Variants in DNAJC1 observed in about 807,000 individuals in gnomAD.
The protein encoded by DNAJC1 is DnaJ heat shock protein family (Hsp40) member C1.
A neutral mutation model predicts 76.6 loss-of-function variants in DNAJC1; 58 were observed. The ratio of observed to expected loss-of-function variants is 0.76; its 90% CI spans 0.61 to 0.94. DNAJC1 has a LOEUF of 0.94. Ranked by LOEUF, DNAJC1 falls within the 40% of genes least tolerant of loss-of-function variation. The pLI, the probability that DNAJC1 is intolerant of heterozygous loss-of-function variation, is 0.00. For missense variants in DNAJC1, 689 were observed against 677.3 expected (o/e 1.02, Z -0.19); for synonymous variants, 258 against 267.9 (o/e 0.96, Z 0.36).
chr10:21,955,570 A>T (rs1837665461), intron 1 of DNAJC1, among the ~76,000 whole-genome samples: 1 of 152,068 alleles, frequency 6.6e-6, no homozygotes, highest in African/African-American at 2.4e-5. Context: ...ATTTATAAAC[A>T]TGATGTTTTG....
intron 8 of DNAJC1, among the ~76,000 whole-genome samples, chr10:21,832,544 C>A (rs1436189492): frequency 6.6e-6 from 1 of 152,176 alleles, no homozygotes; most frequent in Non-Finnish European, 1.5e-5. Context: ...ACTGTCTCTT[C>A]CAATCACCAA....
chr10:21,969,336 G>A (rs1265736117), intron 1 of DNAJC1, among the ~76,000 whole-genome samples: 1 of 151,670 alleles, frequency 6.6e-6, no homozygotes, highest in African/African-American at 2.4e-5. Context: ...GGGGATATCA[G>A]ACATATTTAG....
chr10:21,887,478 C>A lies in DNAJC1; in HGVS notation c.821-5039G>T, dbSNP rs149074095. ...AAACTGGAGGCATCACACTACCTTA[C>A]TTCAAACAATACTACAGGGCTACAT... On this transcript the variant is annotated intron_variant, in intron 7 of 11. Coordinates refer to ENST00000376980, the MANE Select transcript of DNAJC1 (RefSeq NM_022365.4). Among the ~76,000 whole-genome samples, 498 of 152,274 alleles carry A rather than the reference C, an allele frequency of 3.3e-3. 1 individual carries two copies. The highest frequency in any genetic ancestry group is 0.012 in the African/African-American group (483 of 41,558).
chr10:21,765,528 A>T (rs1309387997), intron 10 of DNAJC1, among the ~76,000 whole-genome samples: 1 of 152,162 alleles, frequency 6.6e-6, no homozygotes, highest in African/African-American at 2.4e-5. Context: ...AATTCCAGTT[A>T]ATCTTGGAGG....
intron 1 of DNAJC1, among the ~76,000 whole-genome samples, chr10:21,936,176 G>A (rs1837308836): frequency 6.6e-6 from 1 of 152,140 alleles, no homozygotes; most frequent in Non-Finnish European, 1.5e-5. Flanking sequence ...GTCCCATAGA[G>A]CTGTCCCTTT....
intron 1 of DNAJC1, among the ~76,000 whole-genome samples, chr10:21,986,773 G>A (rs1223792553): frequency 6.6e-6 from 1 of 150,526 alleles, no homozygotes; most frequent in East Asian, 1.9e-4. Flanking sequence ...TGTTTTTTTT[G>A]TTTTTTTTCT....
intron 8 of DNAJC1, among the ~76,000 whole-genome samples, chr10:21,845,344 T>G (rs1476651949): frequency 7.0e-6 from 1 of 142,106 alleles, no homozygotes; most frequent in African/African-American, 2.5e-5. Context: ...ATAAACTACA[T>G]AAAAATTAGA....
At chr10:21,838,151 A>C (rs1352846555) in intron 8 of DNAJC1, among the ~76,000 whole-genome samples, 1 of 152,132 alleles carries the variant, frequency 6.6e-6, no homozygotes, top group Admixed American at 6.5e-5. Context: ...AGAACGGGCC[A>C]AGATGACGAT....
chr10:21,949,384 C>T (rs1359635154), intron 1 of DNAJC1, among the ~76,000 whole-genome samples: 1 of 128,824 alleles, frequency 7.8e-6, no homozygotes, highest in African/African-American at 2.8e-5. Flanking sequence ...GCTCCCTTGC[C>T]CTTCCCCCTC....
At chr10:21,857,086 A>C (rs1423455020) in intron 8 of DNAJC1, among the ~76,000 whole-genome samples, 2 of 152,150 alleles carry the variant, frequency 1.3e-5, no homozygotes, top group Non-Finnish European at 2.9e-5. Flanking sequence ...TCAATTCTGG[A>C]ATACTCCATA....
intron 1 of DNAJC1, among the ~76,000 whole-genome samples, chr10:21,980,360 G>A (rs943789196): frequency 1.3e-5 from 2 of 152,092 alleles, no homozygotes; most frequent in African/African-American, 2.4e-5. Flanking sequence ...TGGATATCAT[G>A]TGCCTCCTGA....
chr10:21,892,868 G>C (rs1368252939), intron 7 of DNAJC1, among the ~76,000 whole-genome samples: 1 of 151,734 alleles, frequency 6.6e-6, no homozygotes, highest in Non-Finnish European at 1.5e-5. Context: ...CCAAACAACA[G>C]AGCTGCAAAA....
intron 8 of DNAJC1, among the ~76,000 whole-genome samples, chr10:21,813,218 CTCTATATA>C (rs1160599860): frequency 1.6e-3 from 47 of 29,628 alleles, no homozygotes; most frequent in Non-Finnish European, 2.1e-3. Context: ...CTCTCTCTCT[CTCTATATA>C]TATATATATA....
chr10:21,875,348 G>A (rs61851893), intron 8 of DNAJC1, among the ~76,000 whole-genome samples: 1,794 of 152,128 alleles, frequency 0.012, 16 homozygotes, highest in Non-Finnish European at 0.018. Context: ...TAGAGATGCA[G>A]TCTTCCTAGG....
chr10:21,949,438 G>T (rs1178459010), intron 1 of DNAJC1, among the ~76,000 whole-genome samples: 2 of 111,726 alleles, frequency 1.8e-5, no homozygotes, highest in East Asian at 2.6e-4. Flanking sequence ...TTTTTGAGAT[G>T]GAGTCTCTCG....
intron 9 of DNAJC1, among the ~76,000 whole-genome samples, chr10:21,780,774 T>G (rs912233962): frequency 8.5e-5 from 13 of 152,166 alleles, no homozygotes; most frequent in African/African-American, 3.1e-4. Flanking sequence ...ATGGGCTAAA[T>G]GCTCCAATTA....
intron 9 of DNAJC1, among the ~76,000 whole-genome samples, chr10:21,774,595 T>C (rs1341010724): frequency 2.0e-5 from 3 of 152,096 alleles, no homozygotes; most frequent in Non-Finnish European, 4.4e-5. Context: ...CTGCCTCAGC[T>C]TCCTGAATAG....
chr10:21,869,342 C>T (rs1836064047), intron 8 of DNAJC1, among the ~76,000 whole-genome samples: 1 of 151,838 alleles, frequency 6.6e-6, no homozygotes, highest in Non-Finnish European at 1.5e-5. Flanking sequence ...TCAAGCATTT[C>T]TTTATATTGA....
chr10:21,859,272 T>C (rs1012638232), intron 8 of DNAJC1, among the ~76,000 whole-genome samples: 1 of 152,112 alleles, frequency 6.6e-6, no homozygotes, highest in Admixed American at 6.5e-5. Flanking sequence ...TTCTTGACAT[T>C]TGAATGTTTT....
Sources: allele counts gnomAD v4.1 joint callset (sites outside exome capture counted in the v4.1 genomes callset), GRCh38; gene constraint gnomAD v4.1.1; transcripts MANE v1.5; gene names NCBI Gene and HGNC (gene_info 2026-07-23, HGNC 2026-07-21).